The following PHACTR4 variants were observed in gnomAD, a reference collection of about 807,000 sequenced individuals.
PHACTR4 encodes the protein phosphatase and actin regulator 4.
PHACTR4 carries 51 observed loss-of-function variants against 72.7 expected under a neutral mutation model. The observed-to-expected ratio is 0.70, with a 90% confidence interval of 0.56 to 0.89. The LOEUF (loss-of-function observed/expected upper bound fraction) is 0.89. Ranked by LOEUF, PHACTR4 falls within the 40% of genes least tolerant of loss-of-function variation. The pLI is 0.00. For synonymous variants in PHACTR4, 255 were observed against 302.5 expected, an observed-to-expected ratio of 0.84 and a Z score of 1.63; for missense variants, 731 against 861.8, an observed-to-expected ratio of 0.85 and a Z score of 1.90.
intron 1 of PHACTR4, among the ~76,000 whole-genome samples, chr1:28,397,727 T>G (rs553891765): frequency 3.3e-5 from 5 of 151,716 alleles, no homozygotes; most frequent in African/African-American, 1.2e-4. Context: ...TTTTGAGTCT[T>G]TCTCTGTCGC....
chr1:28,468,163 T>C (rs1366114873), intron 6 of PHACTR4, among the ~76,000 whole-genome samples: 1 of 152,218 alleles, frequency 6.6e-6, no homozygotes, highest in African/African-American at 2.4e-5. Context: ...GGATGGATAG[T>C]GTCATGTTGA....
chr1:28,461,716 A>C (rs529215265), intron 4 of PHACTR4, among the ~76,000 whole-genome samples: 2 of 151,966 alleles, frequency 1.3e-5, no homozygotes, highest in Non-Finnish European at 2.9e-5. Context: ...TAATTGAGAC[A>C]GGGTCTCCCT....
intron 2 of PHACTR4, among the ~76,000 whole-genome samples, chr1:28,440,093 C>T (rs997975113): frequency 1.3e-5 from 2 of 151,652 alleles, no homozygotes; most frequent in African/African-American, 2.4e-5. Flanking sequence ...TGAGGTCAGG[C>T]GATCGAGACC....
intron 1 of PHACTR4, among the ~76,000 whole-genome samples, chr1:28,400,910 T>G (rs979477919): frequency 1.2e-4 from 19 of 152,096 alleles, no homozygotes; most frequent in African/African-American, 4.3e-4. Context: ...GGCAAAGATA[T>G]GGGAAATATG....
chr1:28,498,982 C>A lies in PHACTR4; in HGVS notation c.*2433C>A, dbSNP rs779303208. 2 of 149,024 alleles carry A rather than the reference C, an allele frequency of 1.3e-5. No homozygotes were observed. The highest frequency in any genetic ancestry group is 3.0e-5 in the Non-Finnish European group (2 of 67,448). 9.2% of individuals were successfully genotyped at this position (149,024 alleles called of 1,614,324 possible). On this transcript the variant is annotated 3_prime_UTR_variant, in exon 14 of 14. Coordinates refer to ENST00000373839, the MANE Select transcript of PHACTR4 (RefSeq NM_001048183.3). ...ACTCAGGACGCTGAGGCAGGAGAGT[C>A]GCTTGAACCCAGGAGGCGGAGATTG...
intron 8 of PHACTR4, among the ~76,000 whole-genome samples, chr1:28,476,529 T>G (rs567588552): frequency 1.3e-5 from 2 of 149,736 alleles, no homozygotes; most frequent in Non-Finnish European, 2.9e-5. Context: ...GGTTTTTTGT[T>G]TTTTTTTGTT....
chr1:28,409,424 GAT>G (rs1654605194), intron 2 of PHACTR4, among the ~76,000 whole-genome samples: 2 of 152,166 alleles, frequency 1.3e-5, no homozygotes, highest in Admixed American at 1.3e-4. Flanking sequence ...TATGTCTTAG[GAT>G]ATCAGATTTT....
chr1:28,445,502 TG>T (rs1657398596), intron 2 of PHACTR4, among the ~76,000 whole-genome samples: 1 of 152,134 alleles, frequency 6.6e-6, no homozygotes. Context: ...TTTTCCTTTT[TG>T]CCCCTTCATT....
chr1:28,470,883 G>C (rs1291146086), intron 6 of PHACTR4, among the ~76,000 whole-genome samples: 1 of 151,574 alleles, frequency 6.6e-6, no homozygotes, highest in Non-Finnish European at 1.5e-5. Flanking sequence ...AAATTAGTCA[G>C]GCATGGGGGC....
intron 6 of PHACTR4, among the ~76,000 whole-genome samples, chr1:28,468,972 G>A (rs898189313): frequency 6.6e-6 from 1 of 152,090 alleles, no homozygotes; most frequent in Admixed American, 6.6e-5. Flanking sequence ...CTTAGCTTGA[G>A]GTAAATAGCC....
intron 2 of PHACTR4, among the ~76,000 whole-genome samples, chr1:28,425,435 A>T (rs1655776501): frequency 6.6e-6 from 1 of 152,208 alleles, no homozygotes; most frequent in East Asian, 1.9e-4. Flanking sequence ...GTGCTTTTGA[A>T]TTACTGGCTT....
intron 1 of PHACTR4, among the ~76,000 whole-genome samples, chr1:28,381,033 G>C (rs536578287): frequency 6.7e-6 from 1 of 149,936 alleles, no homozygotes; most frequent in East Asian, 2.0e-4. Context: ...TTCCGAGACA[G>C]AGTCTTGCTC....
At chr1:28,381,338 A>T (rs12071848) in intron 1 of PHACTR4, among the ~76,000 whole-genome samples, 1 of 129,420 alleles carries the variant, frequency 7.7e-6, no homozygotes, top group African/African-American at 2.8e-5. Context: ...TTGCTCTGTC[A>T]CCCAGGCTGG....
intron 1 of PHACTR4, among the ~76,000 whole-genome samples, chr1:28,403,960 G>T (rs1051239090): frequency 6.6e-6 from 1 of 152,168 alleles, no homozygotes; most frequent in Non-Finnish European, 1.5e-5. Flanking sequence ...TTTATCCAGT[G>T]ATCAGTGGAA....
chr1:28,371,273 C>T (rs1247048135), intron 1 of PHACTR4, among the ~76,000 whole-genome samples: 1 of 151,806 alleles, frequency 6.6e-6, no homozygotes, highest in Admixed American at 6.6e-5. Flanking sequence ...CCACTGTGCC[C>T]GACTATTTAA....
intron 2 of PHACTR4, among the ~76,000 whole-genome samples, chr1:28,448,685 C>G (rs1397358394): frequency 7.2e-6 from 1 of 138,674 alleles, no homozygotes; most frequent in African/African-American, 2.8e-5. Context: ...TGGCGTGAAC[C>G]CGGGAGGTGG....
At chr1:28,477,963 C>T (rs1022468647) in intron 8 of PHACTR4, among the ~76,000 whole-genome samples, 1 of 152,170 alleles carries the variant, frequency 6.6e-6, no homozygotes, top group Non-Finnish European at 1.5e-5. Flanking sequence ...GCTGCGATTA[C>T]AGGCATGAGC....
intron 2 of PHACTR4, chr1:28,422,743 G>A (rs897612468): frequency 2.0e-5 from 3 of 152,108 alleles, no homozygotes; most frequent in Non-Finnish European, 2.9e-5. Flanking sequence ...TGTTTGTTTT[G>A]TATCTAAAAA....
chr1:28,390,447 A>G (rs1652921780), intron 1 of PHACTR4, among the ~76,000 whole-genome samples: 1 of 152,214 alleles, frequency 6.6e-6, no homozygotes, highest in African/African-American at 2.4e-5. Context: ...TCTGTTGGGT[A>G]AACTGTAGAC....
Sources: gnomAD v4.1 joint callset for allele counts (sites outside exome capture counted in the v4.1 genomes callset) on GRCh38, gnomAD v4.1.1 for gene constraint, MANE v1.5 for transcripts, NCBI Gene and HGNC (gene_info 2026-07-23, HGNC 2026-07-21) for gene names.